ERAP1: variants seen among roughly 807,000 people sequenced by gnomAD.
The protein encoded by ERAP1 is adipocyte-derived leucine aminopeptidase.
In ERAP1, 86 loss-of-function variants were observed where a neutral mutation model predicts 103.7. That is an observed-to-expected ratio of 0.83 (90% CI 0.70 to 0.99). The LOEUF (loss-of-function observed/expected upper bound fraction) is 0.99, where lower values mean the gene tolerates loss of function less well. Among genes scored for constraint, ERAP1 ranks in the 50% least tolerant of loss-of-function variants. The pLI is 0.00. For missense variants in ERAP1, 1,009 were observed against 1,128.4 expected (o/e 0.89, Z 1.52); for synonymous variants, 398 against 402.4 (o/e 0.99, Z 0.13).
chr5:96,890,964 G>A, the ERAP1 span, among the ~76,000 whole-genome samples: 4 of 152,136 alleles, frequency 2.6e-5, no homozygotes, highest in African/African-American at 9.7e-5. Context: ...CGGAAAAGAA[G>A]CATGCAGCTT....
chr5:96,843,025 A>G, the ERAP1 span, among the ~76,000 whole-genome samples: 1 of 152,338 alleles, frequency 6.6e-6, no homozygotes, highest in East Asian at 1.9e-4. Context: ...AGTTAAAGAT[A>G]ACATCTTAAT....
chr5:96,806,851 G>GAAAAA (rs61277270), intron 1 of ERAP1, among the ~76,000 whole-genome samples: 5 of 144,634 alleles, frequency 3.5e-5, no homozygotes, highest in African/African-American at 1.3e-4. Flanking sequence ...GGATTAATTT[G>GAAAAA]AAAAAAAAAA....
chr5:96,773,843 G>C (rs778990695), downstream of ERAP1: 1 of 152,226 alleles, frequency 6.6e-6, no homozygotes, highest in Non-Finnish European at 1.5e-5. Flanking sequence ...TTTCCAAAGG[G>C]CATGGCCTTC....
intron 11 of ERAP1, among the ~76,000 whole-genome samples, chr5:96,787,013 C>T (rs912322939): frequency 2.6e-5 from 4 of 151,994 alleles, no homozygotes; most frequent in African/African-American, 9.7e-5. Context: ...ATGTCAATAT[C>T]GAGAAGCCCA....
In ERAP1 at chr5:96,775,048, A is replaced by ATCAAG. The variant is rs947269156; in HGVS notation, c.*1343_*1347dup. On this transcript the variant is annotated 3_prime_UTR_variant, in exon 19 of 19. Transcript: ENST00000443439. ...CAGCGCAAAACACGCTGCAACTTGA[A>ATCAAG]TCAAGTCAGCAACAGAGCACACTAT... The ATCAAG allele has an allele frequency of 3.0e-5, 30 of 985,484 alleles. No individual in the cohort carries two copies. Among genetic ancestry groups the ATCAAG allele is most frequent in the South Asian group, 2.4e-4 (5 of 21,272 alleles). The allele number at this position is 985,484 out of a possible 1,614,324, so 61.0% of individuals were successfully genotyped here.
At chr5:96,929,626 T>G in the ERAP1 span, among the ~76,000 whole-genome samples, 8 of 152,106 alleles carry the variant, frequency 5.3e-5, no homozygotes, top group African/African-American at 1.4e-4. Context: ...TGCCTCACCC[T>G]CCTAAGTAGC....
At chr5:96,829,554 C>A in the ERAP1 span, among the ~76,000 whole-genome samples, 1 of 152,198 alleles carries the variant, frequency 6.6e-6, no homozygotes, top group African/African-American at 2.4e-5. Context: ...GTCTGTGAAT[C>A]CAGACATTGT....
chr5:96,914,179 C>A, the ERAP1 span, among the ~76,000 whole-genome samples: 1 of 151,332 alleles, frequency 6.6e-6, no homozygotes. Context: ...ATCACAAAAC[C>A]CTATAAGGCA....
chr5:96,823,805 A>G, the ERAP1 span, among the ~76,000 whole-genome samples: 1 of 152,214 alleles, frequency 6.6e-6, no homozygotes, highest in African/African-American at 2.4e-5. Flanking sequence ...TTAAGTCAAG[A>G]ACTTTCACAT....
chr5:96,880,025 G>A, the ERAP1 span: 402 of 1,614,154 alleles, frequency 2.5e-4, 8 homozygotes, highest in South Asian at 4.2e-3. Flanking sequence ...GCACAGCAAA[G>A]ATCTTGAAAT....
rs2150951000 is a variant in ERAP1 at position 96,790,284 on chromosome 5, A to G, written c.1524+12T>C. The G allele has an allele frequency of 6.2e-7, 1 of 1,613,080 alleles. No individual in the cohort carries two copies. Among genetic ancestry groups the G allele is most frequent in the Non-Finnish European group, 8.5e-7 (1 of 1,179,050 alleles). The stretch of plus-strand genomic sequence containing the variant: ...TGTGCTTGGGGGAACATGTACAGAT[A>G]TAGAAACTTACTGAGGATGAAGATG... On this transcript the variant is annotated intron_variant, in intron 10 of 18. Transcript: ENST00000443439.
intron 3 of ERAP1, among the ~76,000 whole-genome samples, chr5:96,800,111 C>T (rs1016694881): frequency 6.6e-6 from 1 of 152,208 alleles, no homozygotes. Context: ...TTTCTCTGAA[C>T]AAAGGATGTG....
chr5:96,781,666 A>G (rs1775190525), intron 16 of ERAP1, 27 bp downstream of exon 16: 2 of 1,613,822 alleles, frequency 1.2e-6, no homozygotes, highest in South Asian at 1.1e-5. Flanking sequence ...CCTTGGCCAC[A>G]TGAACATGAA....
the ERAP1 span, among the ~76,000 whole-genome samples, chr5:96,877,223 C>T: frequency 6.6e-6 from 1 of 152,196 alleles, no homozygotes; most frequent in Non-Finnish European, 1.5e-5. Flanking sequence ...GATCTGCCCA[C>T]CTTGGCCTCC....
intron 19 of ERAP1, chr5:96,768,336 T>C: frequency 2.3e-6 from 1 of 425,922 alleles, no homozygotes; most frequent in South Asian, 1.8e-5. Context: ...TGCCAACCTC[T>C]ACCTCCCAAA....
At chr5:96,795,513 C>T (rs534345971) in intron 4 of ERAP1, among the ~76,000 whole-genome samples, 44 of 152,324 alleles carry the variant, frequency 2.9e-4, no homozygotes, top group Non-Finnish European at 5.4e-4. Flanking sequence ...CCCAACACAG[C>T]TGGACTTGAG....
chr5:96,778,061 A>G (rs1291834402), intron 18 of ERAP1, among the ~76,000 whole-genome samples: 1 of 152,234 alleles, frequency 6.6e-6, no homozygotes, highest in Admixed American at 6.5e-5. Flanking sequence ...ATGTAGTTAT[A>G]TAATGCAGGT....
At position 96,803,774 on chromosome 5, in the gene ERAP1, T is replaced by A. The variant is rs777535271; in HGVS notation, c.153A>T (p.Lys51Asn). 6.2e-7 allele frequency: 1 copy of A among 1,614,182 alleles called. No homozygotes were observed. The highest frequency in any genetic ancestry group is 1.1e-5 in the South Asian group (1 of 91,078). ...GGATGACGTACTCAGGAAGTCGTATTTTATTCCAAGGAAATGGTGTCCCAT... is the reference window on the plus strand; with the variant it reads ...GGATGACGTACTCAGGAAGTCGTATATTATTCCAAGGAAATGGTGTCCCAT... The part of the protein sequence containing the change: ...RSDGTPFPWN[K>N]IRLPEYVIPV... The change falls in exon 2 of 19, where the codon AAA (lysine) becomes AAT (asparagine). Residue 51 changes from lysine to asparagine, a missense_variant. By Grantham distance (94) the Lys-to-Asn change is moderately conservative. Coordinates refer to ENST00000443439, the MANE Select transcript of ERAP1 (RefSeq NM_001040458.3).
chr5:96,776,473 C>A lies in ERAP1; in HGVS notation c.2749G>T (p.Glu917Ter). 1 of 1,614,166 alleles carries A rather than the reference C, an allele frequency of 6.2e-7. No homozygotes were observed. Among genetic ancestry groups the A allele is most frequent in the Non-Finnish European group, 8.5e-7 (1 of 1,180,024 alleles). Residue 917 changes from glutamate (E) to a stop codon, truncating the protein, a stop_gained, in exon 19 of 19, where the codon GAA becomes TAA. Transcript: ENST00000443439. LOFTEE classifies it high-confidence loss of function. ...TTCTTATCCATCCAACCGATGTTTT[C>A]TTCAATGGTTTCAATTGTCTGTTGG... is the stretch of plus-strand genomic sequence containing the variant. ...CVQQTIETIE[E>*]NIGWMDKNFD...
Sources: gnomAD v4.1 joint callset for allele counts (sites outside exome capture counted in the v4.1 genomes callset) on GRCh38, gnomAD v4.1.1 for gene constraint, MANE v1.5 for transcripts, NCBI Gene and HGNC (gene_info 2026-07-23, HGNC 2026-07-21) for gene names.